The following AK5 variants were observed in gnomAD, a reference collection of about 807,000 sequenced individuals.
AK5 encodes adenylate kinase 5.
A neutral mutation model predicts 69.5 loss-of-function variants in AK5; 27 were observed. The ratio of observed to expected loss-of-function variants is 0.39; its 90% CI spans 0.29 to 0.54. The LOEUF (loss-of-function observed/expected upper bound fraction) is 0.54, where lower values mean the gene tolerates loss of function less well. Ranked by LOEUF, AK5 falls within the 20% of genes least tolerant of loss-of-function variation. The pLI is 0.71. For missense variants in AK5, 531 were observed against 700.4 expected, an observed-to-expected ratio of 0.76 and a Z score of 2.73; for synonymous variants, 260 against 244.4, an observed-to-expected ratio of 1.06 and a Z score of -0.60.
chr1:77,547,474 A>C (rs544053639), intron 13 of AK5, among the ~76,000 whole-genome samples: 77 of 152,126 alleles, frequency 5.1e-4, no homozygotes, highest in Middle Eastern at 3.4e-3. Context: ...GGGTTTCGCC[A>C]TGTTGGCCAT....
intron 12 of AK5, among the ~76,000 whole-genome samples, chr1:77,533,996 A>G (rs974304552): frequency 6.6e-6 from 1 of 151,236 alleles, no homozygotes; most frequent in Admixed American, 6.6e-5. Flanking sequence ...CGCATGACCT[A>G]TTCCAGAGGT....
chr1:77,469,365 G>C (rs541007306), intron 8 of AK5, among the ~76,000 whole-genome samples: 11 of 152,294 alleles, frequency 7.2e-5, no homozygotes, highest in African/African-American at 2.6e-4. Context: ...CGATAACCTG[G>C]GTGAGCTTCA....
Position 77,411,018 on chromosome 1 carries a change from A to C in AK5, c.929A>C (p.Asp310Ala). ...ADRDEDEVFY[D>A]ISMAVDNKLF... ...CGCGATGAGGATGAGGTGTTCTATGACATCAGCATGGCAGTTGACAACAAG... is the reference window on the plus strand; with the variant it reads ...CGCGATGAGGATGAGGTGTTCTATGCCATCAGCATGGCAGTTGACAACAAG... The change falls in exon 7 of 14, where the codon GAC becomes GCC. Residue 310 changes from aspartate to alanine, a missense_variant. Physicochemically the swap from Asp to Ala is moderately radical, Grantham distance 126 (BLOSUM62 -2). Transcript: ENST00000354567. The C allele has an allele frequency of 6.2e-7, 1 of 1,613,964 alleles. No individual in the cohort carries two copies. The highest frequency in any genetic ancestry group is 8.5e-7 in the Non-Finnish European group (1 of 1,179,928).
intron 8 of AK5, among the ~76,000 whole-genome samples, chr1:77,442,134 A>G (rs981218056): frequency 5.3e-5 from 8 of 152,172 alleles, no homozygotes; most frequent in Admixed American, 5.2e-4. Flanking sequence ...GGCACTGTGT[A>G]GTGGTAACAG....
chr1:77,429,260 C>T (rs1341857541), intron 8 of AK5, among the ~76,000 whole-genome samples: 1 of 152,146 alleles, frequency 6.6e-6, no homozygotes, highest in African/African-American at 2.4e-5. Flanking sequence ...CTCTCCAGCA[C>T]CTGTTGTTTC....
intron 8 of AK5, among the ~76,000 whole-genome samples, chr1:77,440,790 C>A (rs1183212804): frequency 1.3e-5 from 2 of 151,866 alleles, no homozygotes; most frequent in Non-Finnish European, 2.9e-5. Flanking sequence ...CACTCTGTCA[C>A]CCAGGCTGGA....
At chr1:77,526,784 T>G (rs1012929726) in intron 12 of AK5, among the ~76,000 whole-genome samples, 1 of 151,918 alleles carries the variant, frequency 6.6e-6, no homozygotes, top group African/African-American at 2.4e-5. Flanking sequence ...AAGTCTTTTT[T>G]TTTTTTTAAT....
Position 77,368,231 on chromosome 1 carries a change from A to AT in AK5, c.891+27664dup, listed in dbSNP as rs1222717399. On this transcript the variant is annotated intron_variant, in intron 6 of 13. Transcript: ENST00000354567. ...GTAGAGATACTATATATATATATATATATATATATATATATATATATAATA... is the reference window on the plus strand; with the variant it reads ...GTAGAGATACTATATATATATATATATTATATATATATATATATATATAATA... Among the ~76,000 whole-genome samples, 6 of 28,070 alleles carry AT rather than the reference A, an allele frequency of 2.1e-4. 1 individual carries two copies. The South Asian group carries it at 0.026, about 123-fold the overall frequency. The allele number at this position is 28,070 out of a possible 152,430, so 18.4% of individuals were successfully genotyped here.
chr1:77,393,018 G>C (rs61782700), intron 6 of AK5, among the ~76,000 whole-genome samples: 2 of 151,976 alleles, frequency 1.3e-5, no homozygotes, highest in African/African-American at 4.8e-5. Flanking sequence ...CTGCAGTCTC[G>C]ACCTTCTGGG....
At chr1:77,311,335 AGATTC>A (rs1659951554) in intron 5 of AK5, among the ~76,000 whole-genome samples, 1 of 152,122 alleles carries the variant, frequency 6.6e-6, no homozygotes, top group African/African-American at 2.4e-5. Context: ...TTAATTTCTG[AGATTC>A]TTATTTCTCA....
chr1:77,372,714 A>C (rs1647142356), intron 6 of AK5, among the ~76,000 whole-genome samples: 1 of 152,108 alleles, frequency 6.6e-6, no homozygotes, highest in African/African-American at 2.4e-5. Flanking sequence ...TAGTCACCTG[A>C]ATGTCACAAT....
intron 6 of AK5, among the ~76,000 whole-genome samples, chr1:77,388,658 C>T (rs1029503935): frequency 6.6e-6 from 1 of 151,558 alleles, no homozygotes; most frequent in Non-Finnish European, 1.5e-5. Context: ...GGGAGAAATA[C>T]CTTTAAAATG....
At chr1:77,286,139 G>T (rs1372259886) in intron 1 of AK5, among the ~76,000 whole-genome samples, 1 of 151,972 alleles carries the variant, frequency 6.6e-6, no homozygotes, top group Non-Finnish European at 1.5e-5. Flanking sequence ...AGTTTATTGG[G>T]CACTTACTAT....
At chr1:77,355,909 A>G (rs1031090473) in intron 6 of AK5, among the ~76,000 whole-genome samples, 3 of 151,732 alleles carry the variant, frequency 2.0e-5, no homozygotes, top group Admixed American at 1.3e-4. Context: ...ACACACATAT[A>G]TATATACACA....
intron 6 of AK5, among the ~76,000 whole-genome samples, chr1:77,356,811 A>G (rs1368785821): frequency 6.6e-6 from 1 of 152,234 alleles, no homozygotes; most frequent in African/African-American, 2.4e-5. Context: ...TTCTGACAAG[A>G]GAGAAATTCC....
At chr1:77,452,646 C>T (rs1359577555) in intron 8 of AK5, among the ~76,000 whole-genome samples, 1 of 152,206 alleles carries the variant, frequency 6.6e-6, no homozygotes, top group Non-Finnish European at 1.5e-5. Flanking sequence ...TGCATTAGAG[C>T]CTCTCATGCT....
At chr1:77,347,176 A>G (rs1484157950) in intron 6 of AK5, among the ~76,000 whole-genome samples, 1 of 152,226 alleles carries the variant, frequency 6.6e-6, no homozygotes, top group South Asian at 2.1e-4. Flanking sequence ...AATGATATCT[A>G]TATTCACATG....
At chr1:77,507,567 C>A (rs1657098828) in intron 10 of AK5, among the ~76,000 whole-genome samples, 1 of 152,230 alleles carries the variant, frequency 6.6e-6, no homozygotes, top group African/African-American at 2.4e-5. Flanking sequence ...AGTTCCCCTA[C>A]TATTCTCTCC....
intron 5 of AK5, among the ~76,000 whole-genome samples, chr1:77,310,244 G>A (rs2100289688): frequency 6.6e-6 from 1 of 152,172 alleles, no homozygotes; most frequent in South Asian, 2.1e-4. Flanking sequence ...ATAGACACTG[G>A]TCTGTATATG....
Sources: allele counts gnomAD v4.1 joint callset (sites outside exome capture counted in the v4.1 genomes callset), GRCh38; gene constraint gnomAD v4.1.1; transcripts MANE v1.5; gene names NCBI Gene and HGNC (gene_info 2026-07-23, HGNC 2026-07-21).